Variants in BOC observed in about 807,000 individuals in gnomAD.
BOC encodes brother of CDO.
BOC carries 76 observed loss-of-function variants against 112.0 expected under a neutral mutation model. The ratio of observed to expected loss-of-function variants is 0.68; its 90% CI spans 0.56 to 0.82. The LOEUF is 0.82. Ranked by LOEUF, BOC falls within the 40% of genes least tolerant of loss-of-function variation. The pLI, the probability that BOC is intolerant of heterozygous loss-of-function variation, is 0.00. For synonymous variants in BOC, 580 were observed against 599.8 expected (o/e 0.97, Z 0.48); for missense variants, 1,309 against 1,511.7 (o/e 0.87, Z 2.22).
At chr3:113,242,811 G>A (rs1011237866) in intron 2 of BOC, among the ~76,000 whole-genome samples, 18 of 151,860 alleles carry the variant, frequency 1.2e-4, no homozygotes, top group African/African-American at 3.4e-4. Context: ...GTCTCTTTTC[G>A]TTCTTTTACG....
intron 2 of BOC, among the ~76,000 whole-genome samples, chr3:113,217,659 T>C (rs1440648957): frequency 6.6e-6 from 1 of 152,242 alleles, no homozygotes; most frequent in African/African-American, 2.4e-5. Context: ...CTTTTATCTC[T>C]CCTTGTATGT....
intron 5 of BOC, chr3:113,270,175 G>C (rs1454197606): frequency 6.6e-6 from 1 of 152,290 alleles, no homozygotes; most frequent in Non-Finnish European, 1.5e-5. Context: ...ATGCAATAAT[G>C]AGGCGATTCC....
chr3:113,222,956 A>G (rs924193828), intron 2 of BOC, among the ~76,000 whole-genome samples: 5 of 152,250 alleles, frequency 3.3e-5, no homozygotes, highest in African/African-American at 1.2e-4. Flanking sequence ...CAGGTGACAG[A>G]CGGTCCCTGC....
rs771012593 is a variant in BOC at position 113,249,857 on chromosome 3, G to T, written c.55G>T (p.Ala19Ser). The change falls in exon 3 of 20, where the codon GCT (alanine) becomes TCT (serine). Residue 19 changes from alanine (A) to serine (S), a missense_variant. By Grantham distance (99) the Ala-to-Ser change is moderately conservative (BLOSUM62 1). Coordinates refer to ENST00000682979, the MANE Select transcript of BOC (RefSeq NM_001378074.1). The stretch of plus-strand genomic sequence containing the variant: ...AGGAATGAGGCCTGAGGTCACACTG[G>T]CTTGCCTCCTCCTAGCCACAGCAGG... ...WRGMRPEVTL[A>S]CLLLATAGCF... The T allele has an allele frequency of 1.9e-6, 3 of 1,613,680 alleles. No homozygotes were observed. Among genetic ancestry groups the T allele is most frequent in the African/African-American group, 2.7e-5 (2 of 75,046 alleles).
chr3:113,258,110 C>A (rs1234306501), intron 4 of BOC, among the ~76,000 whole-genome samples: 2 of 152,112 alleles, frequency 1.3e-5, no homozygotes, highest in Non-Finnish European at 2.9e-5. Flanking sequence ...CAGGGGATTG[C>A]GGAAGACTCA....
At chr3:113,240,235 A>G (rs1944109878) in intron 2 of BOC, among the ~76,000 whole-genome samples, 1 of 152,210 alleles carries the variant, frequency 6.6e-6, no homozygotes, top group African/African-American at 2.4e-5. Flanking sequence ...TGTGGAATGT[A>G]TCAAGCTTGG....
intron 2 of BOC, among the ~76,000 whole-genome samples, chr3:113,231,860 T>C (rs941913124): frequency 5.9e-5 from 9 of 152,198 alleles, no homozygotes; most frequent in Admixed American, 3.3e-4. Flanking sequence ...AAATACTTAC[T>C]GCACTCCTAC....
intron 6 of BOC, chr3:113,271,387 C>G (rs1948106719): frequency 8.4e-6 from 3 of 357,498 alleles, no homozygotes; most frequent in South Asian, 6.3e-5. Context: ...TGAGGTGTGC[C>G]CTGCACCACC....
At chr3:113,258,703 CT>C (rs1308895630) in intron 4 of BOC, among the ~76,000 whole-genome samples, 1 of 152,228 alleles carries the variant, frequency 6.6e-6, no homozygotes, top group East Asian at 1.9e-4. Context: ...AGATTTGCAG[CT>C]GGGGCAGAGT....
intron 4 of BOC, among the ~76,000 whole-genome samples, chr3:113,257,535 T>C (rs2107492931): frequency 6.6e-6 from 1 of 152,300 alleles, no homozygotes; most frequent in Non-Finnish European, 1.5e-5. Flanking sequence ...TTTAAATATA[T>C]ATATAAAACC....
At chr3:113,217,356 C>CAAAA (rs1257841194) in intron 2 of BOC, among the ~76,000 whole-genome samples, 1 of 152,088 alleles carries the variant, frequency 6.6e-6, no homozygotes, top group Non-Finnish European at 1.5e-5. Flanking sequence ...TCTCTACAAA[C>CAAAA]AAACAAACAA....
At chr3:113,285,627 C>T (rs1949609991) in intron 19 of BOC, 62 bp downstream of exon 19, 3 of 1,417,828 alleles carry the variant, frequency 2.1e-6, no homozygotes, top group Non-Finnish European at 1.9e-6. Flanking sequence ...GGTAGGCATC[C>T]ACAAGCCAGT....
chr3:113,265,314 G>T (rs773683057), intron 4 of BOC, among the ~76,000 whole-genome samples: 1 of 151,816 alleles, frequency 6.6e-6, no homozygotes, highest in Non-Finnish European at 1.5e-5. Context: ...TATATTCTTT[G>T]CTTAAGGCAA....
At chr3:113,248,015 G>A (rs966418686) in intron 2 of BOC, among the ~76,000 whole-genome samples, 3 of 152,178 alleles carry the variant, frequency 2.0e-5, no homozygotes, top group Non-Finnish European at 2.9e-5. Flanking sequence ...TGAGTCCTCT[G>A]ATGTCAAAGT....
Position 113,278,890 on chromosome 3 carries a change from A to C in BOC, c.1816+107A>C. The C allele has an allele frequency of 1.1e-6, 1 of 909,892 alleles. No individual in the cohort carries two copies. Among genetic ancestry groups the C allele is most frequent in the Non-Finnish European group, 1.7e-6 (1 of 593,356 alleles). The allele number at this position is 909,892 out of a possible 1,614,324, so 56.4% of individuals were successfully genotyped here. On this transcript the variant is annotated intron_variant, in intron 11 of 19. Transcript: ENST00000682979. The surrounding 1 kb of genome is among the most constrained non-coding windows in gnomAD (Gnocchi z 4.2). ...TTGCTTCTGTAGGTCCAGGGTTTTT[A>C]TGACATCTCCCAGTTAACCACAATG...
At position 113,278,734 on chromosome 3, in the gene BOC, T is replaced by C; in HGVS notation, c.1767T>C (p.Pro589=). The change falls in exon 11 of 20, where the codon CCT becomes CCC. Residue 589 remains proline (P), a synonymous_variant. Transcript: ENST00000682979. The surrounding 1 kb of genome is among the most constrained non-coding windows in gnomAD (Gnocchi z 4.2). ...AGCAGCAGATCCAGAGAGACGACCCTGGAGCCAGTCCCCAGAGCAGCAGCC... is the reference window on the plus strand; with the variant it reads ...AGCAGCAGATCCAGAGAGACGACCCCGGAGCCAGTCCCCAGAGCAGCAGCC... ...SKEQQIQRDD[P]GASPQSSSQP... is the part of the protein sequence containing the mutation. 1.3e-6 allele frequency: 2 copies of C among 1,566,550 alleles called. No individual in the cohort carries two copies. Among genetic ancestry groups the C allele is most frequent in the Non-Finnish European group, 1.7e-6 (2 of 1,155,710 alleles).
At chr3:113,264,292 A>G (rs1400923367) in intron 4 of BOC, among the ~76,000 whole-genome samples, 1 of 152,228 alleles carries the variant, frequency 6.6e-6, no homozygotes, top group Non-Finnish European at 1.5e-5. Flanking sequence ...ATGCAAAAGA[A>G]GGGTGCGAGG....
At chr3:113,230,725 A>G (rs1270632481) in intron 2 of BOC, among the ~76,000 whole-genome samples, 2 of 152,230 alleles carry the variant, frequency 1.3e-5, no homozygotes, top group African/African-American at 4.8e-5. Context: ...TTGCAACAAA[A>G]TCTAGTGTAG....
At chr3:113,233,271 C>G (rs940913547) in intron 2 of BOC, among the ~76,000 whole-genome samples, 5 of 151,400 alleles carry the variant, frequency 3.3e-5, no homozygotes, top group African/African-American at 4.9e-5. Flanking sequence ...ATGCAGCAGC[C>G]TGATCCTCAT....
Sources: allele counts gnomAD v4.1 joint callset (sites outside exome capture counted in the v4.1 genomes callset), GRCh38; gene constraint gnomAD v4.1.1; non-coding constraint Gnocchi (gnomAD v3.1); transcripts MANE v1.5; gene names NCBI Gene and HGNC (gene_info 2026-07-23, HGNC 2026-07-21).